PDZRN3: variants seen among roughly 807,000 people sequenced by gnomAD.
PDZRN3 encodes the protein E3 ubiquitin-protein ligase PDZRN3.
Under a neutral mutation model 85.7 loss-of-function variants are expected in PDZRN3, and 38 were observed. The ratio of observed to expected loss-of-function variants is 0.44; its 90% CI spans 0.34 to 0.58. PDZRN3 has a LOEUF of 0.58. Among genes scored for constraint, PDZRN3 ranks in the 20% least tolerant of loss-of-function variants. The probability of loss-of-function intolerance (pLI) is 0.01; values close to 1 mark genes in which losing one functional copy is unlikely to be tolerated. For missense variants in PDZRN3, 1,629 were observed against 1,506.4 expected (o/e 1.08, Z -1.35); for synonymous variants, 759 against 638.0 (o/e 1.19, Z -2.86).
chr3:73,521,177 T>G (rs1704354414), intron 3 of PDZRN3, among the ~76,000 whole-genome samples: 1 of 152,160 alleles, frequency 6.6e-6, no homozygotes. Context: ...GGGTTGCCGG[T>G]GGACTCGTTA....
intron 3 of PDZRN3, among the ~76,000 whole-genome samples, chr3:73,448,874 C>A (rs1166012810): frequency 6.6e-6 from 1 of 152,124 alleles, no homozygotes; most frequent in Non-Finnish European, 1.5e-5. Context: ...AGGACAGGCA[C>A]CTTTTATATT....
chr3:73,535,863 C>T (rs1367630922), intron 3 of PDZRN3, among the ~76,000 whole-genome samples: 1 of 152,190 alleles, frequency 6.6e-6, no homozygotes, highest in Non-Finnish European at 1.5e-5. Flanking sequence ...AAAGCAGACT[C>T]TAGCTATGCC....
At chr3:73,404,064 A>G in intron 4 of PDZRN3, 84 bp downstream of exon 4, 1 of 1,353,370 alleles carries the variant, frequency 7.4e-7, no homozygotes, top group African/African-American at 1.5e-5. Context: ...AGGGTGCATT[A>G]ATTTTTTTCA....
intron 3 of PDZRN3, among the ~76,000 whole-genome samples, chr3:73,593,290 T>C (rs977362028): frequency 6.6e-6 from 1 of 152,236 alleles, no homozygotes; most frequent in Non-Finnish European, 1.5e-5. Flanking sequence ...CTCAAGAATT[T>C]AATGCGGACA....
intron 1 of PDZRN3, among the ~76,000 whole-genome samples, chr3:73,611,281 A>C (rs991713293): frequency 3.3e-5 from 5 of 152,192 alleles, no homozygotes; most frequent in Non-Finnish European, 7.3e-5. Context: ...ATTTATCTCC[A>C]AAGGAACCAA....
intron 3 of PDZRN3, among the ~76,000 whole-genome samples, chr3:73,530,773 T>C (rs956230673): frequency 2.6e-5 from 4 of 152,288 alleles, no homozygotes; most frequent in African/African-American, 4.8e-5. Flanking sequence ...AATCAAAACT[T>C]TGAATTTTAA....
At position 73,624,578 on chromosome 3, in the gene PDZRN3, G is replaced by T. The variant is rs372137905; in HGVS notation, c.248C>A (p.Ala83Glu). The change falls in exon 1 of 10, where the codon GCG (alanine) becomes GAG (glutamate). Residue 83 changes from alanine to glutamate, a missense_variant. By Grantham distance (107) the Ala-to-Glu change is moderately radical. Coordinates refer to ENST00000263666, the MANE Select transcript of PDZRN3 (RefSeq NM_015009.3). Reference sequence around the variant, plus strand: ...CCGGCCGCAGCCGCGCGTCGCGTACGCGCACTTGATGTCCAGCTTGAGGAT... The same window carrying T: ...CCGGCCGCAGCCGCGCGTCGCGTACTCGCACTTGATGTCCAGCTTGAGGAT... ...RLILKLDIKC[A>E]YATRGCGRVV... The T allele has an allele frequency of 1.0e-5, 16 of 1,546,416 alleles. No individual in the cohort carries two copies. The African/African-American group carries it at 2.0e-4, about 19-fold the overall frequency.
rs1418276369 is a variant in PDZRN3 at position 73,624,251 on chromosome 3, C to T, written c.575G>A (p.Gly192Glu). 6.9e-7 allele frequency: 1 copy of T among 1,452,898 alleles called. No individual in the cohort carries two copies. Among genetic ancestry groups the T allele is most frequent in the Non-Finnish European group, 9.0e-7 (1 of 1,108,730 alleles). 90.0% of individuals were successfully genotyped at this position (1,452,898 alleles called of 1,614,324 possible). A position where few individuals can be genotyped will look rare whatever the true frequency, so the allele number is the denominator to read the frequency against. Residue 192 changes from glycine to glutamate, a missense_variant, in exon 1 of 10, where the codon GGG becomes GAG. Physicochemically the swap from Gly to Glu is moderately conservative, Grantham distance 98. Coordinates refer to ENST00000263666, the MANE Select transcript of PDZRN3 (RefSeq NM_015009.3). ...KALKKEALRA[G>E]KREKSLVAQL... is the part of the protein sequence containing the mutation. ...GGCCACCAGCGACTTCTCGCGCTTC[C>T]CAGCGCGCAGCGCCTCCTTCTTGAG...
chr3:73,588,872 T>G (rs980086635), intron 3 of PDZRN3, among the ~76,000 whole-genome samples: 1 of 152,222 alleles, frequency 6.6e-6, no homozygotes, highest in Non-Finnish European at 1.5e-5. Flanking sequence ...GAGAAACACT[T>G]GTTTAGGTTT....
chr3:73,531,561 C>A (rs1704655285), intron 3 of PDZRN3, among the ~76,000 whole-genome samples: 1 of 152,172 alleles, frequency 6.6e-6, no homozygotes, highest in Admixed American at 6.5e-5. Flanking sequence ...CCAAATACTA[C>A]TTCTGATTAG....
chr3:73,527,495 C>A lies in PDZRN3; in HGVS notation c.918+74859G>T, dbSNP rs533296364. Reference sequence around the variant, plus strand: ...GATTCTTTCTAAAAGTTTCTAATTTCTCTTATGATAAAATATGAAGAATCA... The same window carrying A: ...GATTCTTTCTAAAAGTTTCTAATTTATCTTATGATAAAATATGAAGAATCA... On this transcript the variant is annotated intron_variant, in intron 3 of 9. Transcript: ENST00000263666. Among the ~76,000 whole-genome samples, 41 of 152,240 alleles carry A rather than the reference C, an allele frequency of 2.7e-4. No homozygotes were observed. The South Asian group carries it at 5.4e-3, about 20-fold the overall frequency.
intron 1 of PDZRN3, among the ~76,000 whole-genome samples, chr3:73,620,884 C>T (rs1702848013): frequency 6.6e-6 from 1 of 152,224 alleles, no homozygotes; most frequent in South Asian, 2.1e-4. Flanking sequence ...CCTAGGCAGT[C>T]TGGGTTTTAA....
chr3:73,532,003 T>C (rs1704668151), intron 3 of PDZRN3, among the ~76,000 whole-genome samples: 2 of 152,134 alleles, frequency 1.3e-5, no homozygotes, highest in Non-Finnish European at 2.9e-5. Context: ...TGGCAACAAA[T>C]TCCAAACTTT....
intron 5 of PDZRN3, among the ~76,000 whole-genome samples, chr3:73,396,171 T>C (rs1055052475): frequency 2.0e-5 from 3 of 152,048 alleles, no homozygotes; most frequent in Non-Finnish European, 4.4e-5. Context: ...GAGCCAAGAC[T>C]GCACCACTGC....
chr3:73,446,457 G>A (rs1438064412), intron 3 of PDZRN3, among the ~76,000 whole-genome samples: 1 of 152,118 alleles, frequency 6.6e-6, no homozygotes. Context: ...CTAACAGAGT[G>A]GCCAAATACA....
rs527313506 is a variant in PDZRN3, at chr3:73,501,450, T to C, written c.919-97055A>G. Among the ~76,000 whole-genome samples the C allele has an allele frequency of 6.6e-5, 10 of 152,278 alleles. No homozygotes were observed. The South Asian group carries it at 1.9e-3, about 28-fold the overall frequency. ...CATCTCCAGCTTCCCCCTTTCCCTATACAGGCCACTGTCATCACTCACCTT... is the reference window on the plus strand; with the variant it reads ...CATCTCCAGCTTCCCCCTTTCCCTACACAGGCCACTGTCATCACTCACCTT... On this transcript the variant is annotated intron_variant, in intron 3 of 9. Transcript: ENST00000263666.
intron 3 of PDZRN3, among the ~76,000 whole-genome samples, chr3:73,555,187 C>T (rs1034442893): frequency 6.6e-6 from 1 of 152,002 alleles, no homozygotes. Context: ...ACCATAATCA[C>T]TGACATTTTT....
intron 3 of PDZRN3, among the ~76,000 whole-genome samples, chr3:73,462,794 T>A (rs1023476049): frequency 2.6e-5 from 4 of 152,148 alleles, no homozygotes; most frequent in Non-Finnish European, 4.4e-5. Context: ...CACCCTAAGC[T>A]CTTTGCACAC....
rs1479766254 is a variant in PDZRN3, at chr3:73,385,759, GTCA to G, written c.1542_1544del (p.Asp515del). Reference sequence around the variant, plus strand: ...GCAGGTCATCCAGAAAGTCGTTCCTGTCATCATCCATCCAGCCCTCATCCAGCT... The same window carrying G: ...GCAGGTCATCCAGAAAGTCGTTCCTGTCATCCATCCAGCCCTCATCCAGCT... On this transcript the variant is annotated inframe_deletion, in exon 9 of 10. Transcript: ENST00000263666. 6.2e-7 allele frequency: 1 copy of G among 1,613,006 alleles called. No individual in the cohort carries two copies. Among genetic ancestry groups the G allele is most frequent in the Admixed American group, 1.7e-5 (1 of 60,020 alleles).
Sources: gnomAD v4.1 joint callset for allele counts (sites outside exome capture counted in the v4.1 genomes callset) on GRCh38, gnomAD v4.1.1 for gene constraint, MANE v1.5 for transcripts, NCBI Gene and HGNC (gene_info 2026-07-23, HGNC 2026-07-21) for gene names.